Variants in WWOX observed in about 807,000 individuals in gnomAD.
The protein encoded by WWOX is WW domain containing oxidoreductase, also known as WW domain-containing oxidoreductase.
Under a neutral mutation model 46.2 loss-of-function variants are expected in WWOX, and 69 were observed. The observed-to-expected ratio is 1.49, with a 90% CI of 1.23 to 1.82. The LOEUF is 1.82. WWOX is among the 40% of genes most tolerant of loss of function. The pLI is 0.00. For synonymous variants in WWOX, 359 were observed against 202.6 expected, an observed-to-expected ratio of 1.77 and a Z score of -6.56; for missense variants, 919 against 542.6, an observed-to-expected ratio of 1.69 and a Z score of -6.89.
At chr16:78,217,350 G>A (rs541685663) in intron 5 of WWOX, among the ~76,000 whole-genome samples, 1 of 152,218 alleles carries the variant, frequency 6.6e-6, no homozygotes, top group Non-Finnish European at 1.5e-5. Context: ...GGTGGAAACA[G>A]CATGTATATA....
chr16:78,696,895 A>T (rs552455285), intron 8 of WWOX, among the ~76,000 whole-genome samples: 1 of 152,144 alleles, frequency 6.6e-6, no homozygotes, highest in African/African-American at 2.4e-5. Context: ...GCTCCCACTT[A>T]TAAGTGAAAA....
chr16:78,242,553 C>T lies in WWOX; in HGVS notation c.516+78264C>T, dbSNP rs187113626. 8.5e-5 allele frequency among the ~76,000 whole-genome samples: 13 copies of T among 152,214 alleles called. No homozygotes were observed. The East Asian group carries it at 1.2e-3, about 14-fold the overall frequency. Reference sequence around the variant, plus strand: ...TTCCATTGAAAATGAGACATAAATCCTTGAGTGAGGGAGACGTGGAACCAG... The same window carrying T: ...TTCCATTGAAAATGAGACATAAATCTTTGAGTGAGGGAGACGTGGAACCAG... On this transcript the variant is annotated intron_variant, in intron 5 of 8. Coordinates refer to ENST00000566780, the MANE Select transcript of WWOX (RefSeq NM_016373.4).
chr16:78,986,850 C>G (rs1339119120), intron 8 of WWOX, among the ~76,000 whole-genome samples: 1 of 152,078 alleles, frequency 6.6e-6, no homozygotes, highest in Non-Finnish European at 1.5e-5. Context: ...TTTGATAATA[C>G]ACATTATGCT....
intron 8 of WWOX, among the ~76,000 whole-genome samples, chr16:78,993,447 TAAGAG>T (rs2046927711): frequency 6.6e-6 from 1 of 152,184 alleles, no homozygotes; most frequent in Admixed American, 6.5e-5. Context: ...TGCGGCTGGA[TAAGAG>T]AAGAGTAATT....
intron 8 of WWOX, among the ~76,000 whole-genome samples, chr16:78,845,905 G>A (rs554019554): frequency 4.9e-4 from 75 of 152,250 alleles, no homozygotes; most frequent in African/African-American, 1.7e-3. Context: ...CCCCATTTAA[G>A]GTAGATGGGT....
At chr16:78,741,597 G>A (rs1164793950) in intron 8 of WWOX, among the ~76,000 whole-genome samples, 2 of 152,136 alleles carry the variant, frequency 1.3e-5, no homozygotes, top group Admixed American at 1.3e-4. Flanking sequence ...GCTCATGCCT[G>A]TAATCCCAGC....
At chr16:78,668,038 A>C (rs140122818) in intron 8 of WWOX, among the ~76,000 whole-genome samples, 1 of 152,072 alleles carries the variant, frequency 6.6e-6, no homozygotes, top group African/African-American at 2.4e-5. Context: ...TAGCATTTTG[A>C]GAGGCCGAGG....
chr16:78,760,680 A>G (rs1038847379), intron 8 of WWOX, among the ~76,000 whole-genome samples: 2 of 152,144 alleles, frequency 1.3e-5, no homozygotes, highest in Non-Finnish European at 2.9e-5. Flanking sequence ...GCTTGTCTCA[A>G]GCTGCTGATT....
intron 8 of WWOX, among the ~76,000 whole-genome samples, chr16:78,666,111 C>T (rs2047327124): frequency 6.6e-6 from 1 of 151,874 alleles, no homozygotes; most frequent in Admixed American, 6.6e-5. Flanking sequence ...ATAGTGAGAG[C>T]CCCATGTTTC....
intron 8 of WWOX, among the ~76,000 whole-genome samples, chr16:78,932,141 A>C (rs1266481974): frequency 6.6e-6 from 1 of 152,194 alleles, no homozygotes; most frequent in East Asian, 1.9e-4. Context: ...ACAAACTAAT[A>C]CACCACTTGA....
chr16:78,632,740 T>A (rs2046464602), intron 8 of WWOX, among the ~76,000 whole-genome samples: 1 of 151,622 alleles, frequency 6.6e-6, no homozygotes, highest in African/African-American at 2.4e-5. Context: ...GTATTTTTAG[T>A]AGAGTTGGGA....
chr16:78,734,513 C>T (rs1165288413), intron 8 of WWOX, among the ~76,000 whole-genome samples: 2 of 151,864 alleles, frequency 1.3e-5, no homozygotes, highest in South Asian at 4.2e-4. Context: ...CATTTCTTTA[C>T]CTACCTGGGA....
At chr16:78,596,407 G>C (rs2045491642) in intron 8 of WWOX, among the ~76,000 whole-genome samples, 1 of 151,390 alleles carries the variant, frequency 6.6e-6, no homozygotes, top group African/African-American at 2.4e-5. Context: ...AGGTAATCCA[G>C]GTCACGGTGG....
intron 8 of WWOX, among the ~76,000 whole-genome samples, chr16:79,099,593 T>TGAGA (rs10598848): frequency 0.026 from 3,894 of 148,826 alleles, 70 homozygotes; most frequent in African/African-American, 0.038. Context: ...TGTGTGTTTG[T>TGAGA]GAGAGAGAGA....
At chr16:78,380,680 C>G (rs550437259) in intron 5 of WWOX, among the ~76,000 whole-genome samples, 2 of 152,130 alleles carry the variant, frequency 1.3e-5, no homozygotes, top group African/African-American at 4.8e-5. Flanking sequence ...GTATCATGTT[C>G]TGCTCCAACT....
chr16:78,988,890 G>C (rs530219132), intron 8 of WWOX, among the ~76,000 whole-genome samples: 1 of 152,256 alleles, frequency 6.6e-6, no homozygotes, highest in East Asian at 1.9e-4. Flanking sequence ...GAGCTCTGGT[G>C]GGCAGTCAGG....
chr16:78,790,852 C>T (rs953865450), intron 8 of WWOX, among the ~76,000 whole-genome samples: 4 of 151,522 alleles, frequency 2.6e-5, no homozygotes, highest in African/African-American at 9.7e-5. Context: ...AACCTCATTT[C>T]TACAAAAAAT....
intron 1 of WWOX, among the ~76,000 whole-genome samples, chr16:78,104,339 GCACGCA>G: frequency 1.1e-5 from 1 of 89,506 alleles, no homozygotes; most frequent in East Asian, 3.3e-4. Flanking sequence ...ACACACGCAC[GCACGCA>G]CGCATGCACG....
intron 8 of WWOX, among the ~76,000 whole-genome samples, chr16:78,863,700 C>G (rs1457195836): frequency 1.3e-5 from 2 of 152,318 alleles, no homozygotes; most frequent in East Asian, 1.9e-4. Context: ...CAGTGGGTAT[C>G]TGTTGAACCG....
Sources: gnomAD v4.1 joint callset for allele counts (sites outside exome capture counted in the v4.1 genomes callset) on GRCh38, gnomAD v4.1.1 for gene constraint, MANE v1.5 for transcripts, NCBI Gene and HGNC (gene_info 2026-07-23, HGNC 2026-07-21) for gene names.